ZFAND2A: variants seen among roughly 807,000 people sequenced by gnomAD.
ZFAND2A encodes AN1-type zinc finger protein 2A.
Under a neutral mutation model 11.6 loss-of-function variants are expected in ZFAND2A, and 20 were observed. The ratio of observed to expected loss-of-function variants is 1.72; its 90% confidence interval spans 1.21 to 2.50. ZFAND2A has a LOEUF of 2.50. Ranked by LOEUF, ZFAND2A falls within the 30% of genes most tolerant of loss-of-function variation. The pLI is 0.00. For synonymous variants in ZFAND2A, 93 were observed against 60.6 expected (o/e 1.54, Z -2.48); for missense variants, 234 against 182.9 (o/e 1.28, Z -1.61).
In ZFAND2A at chr7:1,158,434, G is replaced by A. The variant is rs576561770; in HGVS notation, c.-45-177C>T. 1.4e-4 allele frequency among the ~76,000 whole-genome samples: 21 copies of A among 152,258 alleles called. No homozygotes were observed. The South Asian group carries it at 3.1e-3, about 23-fold the overall frequency. ...CGTAGTCAACCCCATTAAGAGACAC[G>A]GACTCCTTCACAGGCCTTTTAATTC... is the stretch of plus-strand genomic sequence containing the variant. On this transcript the variant is annotated intron_variant, in intron 1 of 4. Coordinates refer to ENST00000316495, the MANE Select transcript of ZFAND2A (RefSeq NM_182491.4).
intron 3 of ZFAND2A, among the ~76,000 whole-genome samples, chr7:1,156,730 C>CA (rs1218111681): frequency 6.6e-6 from 1 of 152,236 alleles, no homozygotes; most frequent in Non-Finnish European, 1.5e-5. Context: ...ATTATGAGCA[C>CA]ACCCGTCTAC....
At chr7:1,152,566 C>T (rs377635743), downstream of ZFAND2A, among the ~76,000 whole-genome samples, 14 of 152,198 alleles carry the variant, frequency 9.2e-5, no homozygotes, top group Non-Finnish European at 1.6e-4. Context: ...GCCCTAGACT[C>T]GGGACCTCAG....
At chr7:1,155,805 C>T (rs1225637327) in intron 3 of ZFAND2A, 8 of 431,288 alleles carry the variant, frequency 1.9e-5, no homozygotes, top group South Asian at 5.4e-5. Flanking sequence ...GAAGTTTCAA[C>T]GAATGGACTT....
At chr7:1,152,494 C>A, downstream of ZFAND2A, 1 of 997,418 alleles carries the variant, frequency 1.0e-6, no homozygotes, top group Non-Finnish European at 1.4e-6. Context: ...AATACAGATG[C>A]TTCTCGATTT....
chr7:1,156,160 T>C (rs12702434), intron 3 of ZFAND2A, among the ~76,000 whole-genome samples: 4,444 of 29,044 alleles, frequency 0.15, 1,043 homozygotes, highest in African/African-American at 0.24. Flanking sequence ...AGGGGTGGAC[T>C]GCCCAGCAGC....
chr7:1,152,134 T>C (rs1793410066), downstream of ZFAND2A: 1 of 1,339,488 alleles, frequency 7.5e-7, no homozygotes. Flanking sequence ...CCTGACGAAG[T>C]CGCACCACTG....
chr7:1,152,330 G>A, downstream of ZFAND2A: 2 of 1,575,994 alleles, frequency 1.3e-6, no homozygotes, highest in East Asian at 4.6e-5. Context: ...TTCAGAGACT[G>A]TCATGGGTGA....
chr7:1,151,736 G>A (rs554758128), downstream of ZFAND2A, among the ~76,000 whole-genome samples: 5 of 99,936 alleles, frequency 5.0e-5, no homozygotes, highest in South Asian at 6.7e-4. Flanking sequence ...TCCAGCCTGG[G>A]CAATAGAGCA....
At chr7:1,158,642 A>C (rs1211841078) in intron 1 of ZFAND2A, among the ~76,000 whole-genome samples, 1 of 152,238 alleles carries the variant, frequency 6.6e-6, no homozygotes, top group African/African-American at 2.4e-5. Context: ...AAATCACATC[A>C]GTTGACTCCA....
chr7:1,155,746 C>T (rs902956515), intron 3 of ZFAND2A, 162 bp from the exon 4 acceptor site: 17 of 819,758 alleles, frequency 2.1e-5, no homozygotes, highest in South Asian at 5.5e-5. Context: ...CATGGATTAG[C>T]GGCAGCCATC....
intron 4 of ZFAND2A, among the ~76,000 whole-genome samples, chr7:1,154,283 G>C: frequency 6.6e-6 from 1 of 151,940 alleles, no homozygotes; most frequent in East Asian, 1.9e-4. Flanking sequence ...GAGTGGGGAG[G>C]GTTCCAGCAG....
chr7:1,151,684 G>A (rs977592558), downstream of ZFAND2A, among the ~76,000 whole-genome samples: 2 of 150,012 alleles, frequency 1.3e-5, no homozygotes, highest in Admixed American at 6.7e-5. Flanking sequence ...GCTAGAACCT[G>A]GAAGGCAGAG....
intron 2 of ZFAND2A, 84 bp from the exon 3 acceptor site, chr7:1,157,834 A>T: frequency 8.9e-7 from 1 of 1,119,596 alleles, no homozygotes. Context: ...TACCTACACT[A>T]AGTGTTTTAG....
At chr7:1,150,183 G>T (rs1006126890), downstream of ZFAND2A, among the ~76,000 whole-genome samples, 5 of 152,044 alleles carry the variant, frequency 3.3e-5, no homozygotes, top group Non-Finnish European at 5.9e-5. Flanking sequence ...TGAAAATACA[G>T]TATGTTCTGC....
downstream of ZFAND2A, chr7:1,152,126 T>C: frequency 1.5e-6 from 2 of 1,302,900 alleles, no homozygotes; most frequent in Non-Finnish European, 1.0e-6. Context: ...TCATCCATCC[T>C]GACGAAGTCG....
At chr7:1,153,257 CT>C (rs754332202) in intron 4 of ZFAND2A, 33 bp from the exon 5 acceptor site, 14 of 1,601,420 alleles carry the variant, frequency 8.7e-6, no homozygotes, top group African/African-American at 5.4e-5. Context: ...ACAAGCAATT[CT>C]TTTTTTGGAG....
At chr7:1,156,011 T>C (rs1241567227) in intron 3 of ZFAND2A, among the ~76,000 whole-genome samples, 9 of 152,246 alleles carry the variant, frequency 5.9e-5, no homozygotes, top group Non-Finnish European at 2.9e-5. Context: ...AGAGAGTTGC[T>C]TGCGCCCAGA....
downstream of ZFAND2A, chr7:1,152,333 A>C (rs1189440186): frequency 6.4e-7 from 1 of 1,574,036 alleles, no homozygotes; most frequent in Non-Finnish European, 8.6e-7. Flanking sequence ...AGAGACTGTC[A>C]TGGGTGAGCA....
At chr7:1,152,185 T>C, downstream of ZFAND2A, 1 of 1,507,122 alleles carries the variant, frequency 6.6e-7, no homozygotes, top group Non-Finnish European at 8.9e-7. Context: ...CAGCAACCTT[T>C]CCGTGTTCAC....
Sources: allele counts gnomAD v4.1 joint callset (sites outside exome capture counted in the v4.1 genomes callset), GRCh38; gene constraint gnomAD v4.1.1; transcripts MANE v1.5; gene names NCBI Gene and HGNC (gene_info 2026-07-23, HGNC 2026-07-21).